The following MARCHF11 variants were observed in gnomAD, a reference collection of about 807,000 sequenced individuals.
The protein encoded by MARCHF11 is membrane associated ring-CH-type finger 11.
Under a neutral mutation model 37.3 loss-of-function variants are expected in MARCHF11, and 29 were observed. The observed-to-expected ratio is 0.78, with a 90% confidence interval of 0.58 to 1.06. MARCHF11 has a LOEUF of 1.06. Ranked by LOEUF, MARCHF11 falls within the 50% of genes least tolerant of loss-of-function variation. The pLI, the probability that MARCHF11 is intolerant of heterozygous loss-of-function variation, is 0.00. For missense variants in MARCHF11, 482 were observed against 533.4 expected, an observed-to-expected ratio of 0.90 and a Z score of 0.95; for synonymous variants, 233 against 228.0, an observed-to-expected ratio of 1.02 and a Z score of -0.20.
At chr5:16,130,035 T>G (rs1458534205) in intron 2 of MARCHF11, among the ~76,000 whole-genome samples, 1 of 152,142 alleles carries the variant, frequency 6.6e-6, no homozygotes, top group Non-Finnish European at 1.5e-5. Context: ...AGAAAATCAA[T>G]AGATGCAAAT....
chr5:16,077,633 T>A (rs1041877265), intron 3 of MARCHF11, among the ~76,000 whole-genome samples: 2 of 152,192 alleles, frequency 1.3e-5, no homozygotes, highest in Admixed American at 6.5e-5. Context: ...ATGACATCAG[T>A]AAGATGCTTA....
intron 2 of MARCHF11, among the ~76,000 whole-genome samples, chr5:16,138,511 G>A (rs1737648322): frequency 6.6e-6 from 1 of 152,246 alleles, no homozygotes; most frequent in Admixed American, 6.5e-5. Context: ...CAATGCAGAA[G>A]GGAAATATGG....
chr5:16,165,461 A>C (rs1463132486), intron 2 of MARCHF11, among the ~76,000 whole-genome samples: 1 of 152,000 alleles, frequency 6.6e-6, no homozygotes, highest in African/African-American at 2.4e-5. Context: ...TTTTCTTTCC[A>C]AGATCCTATA....
Position 16,086,438 on chromosome 5 carries a change from G to A in MARCHF11, c.886+4451C>T, listed in dbSNP as rs146621399. Among the ~76,000 whole-genome samples, 1,001 of 152,240 alleles carry A rather than the reference G, an allele frequency of 6.6e-3. 10 individuals are homozygous for A. The highest frequency in any genetic ancestry group is 0.025 in the South Asian group (120 of 4,810). On this transcript the variant is annotated intron_variant, in intron 3 of 3. Transcript: ENST00000332432. ...TGTTTGTATATTATGTGGACAATTA[G>A]GAAAAATTTTAAGAGACCAAAGCAA...
intron 3 of MARCHF11, among the ~76,000 whole-genome samples, chr5:16,086,798 A>G (rs553752553): frequency 1.3e-5 from 2 of 152,348 alleles, no homozygotes; most frequent in African/African-American, 2.4e-5. Context: ...ATTAATAAAC[A>G]TATTCTTCTT....
rs144025483 is a variant in MARCHF11 at position 16,135,877 on chromosome 5, AT to A, written c.693+41848del. On this transcript the variant is annotated intron_variant, in intron 2 of 3. Coordinates refer to ENST00000332432, the MANE Select transcript of MARCHF11 (RefSeq NM_001102562.3). ...GGCGGGAAGGGAGGAAGTGAAAGAG[AT>A]TTAAAAAAAAAAAAAAAAAAGAAGG... 1.1e-4 allele frequency among the ~76,000 whole-genome samples: 11 copies of A among 104,322 alleles called. No individual in the cohort carries two copies. The South Asian group carries it at 1.3e-3, about 12-fold the overall frequency. 68.4% of individuals were successfully genotyped at this position (104,322 alleles called of 152,430 possible). A position where few individuals can be genotyped will look rare whatever the true frequency, so the allele number is the denominator to read the frequency against.
Position 16,085,523 on chromosome 5 carries a change from C to G in MARCHF11, c.886+5366G>C, listed in dbSNP as rs372188082. On this transcript the variant is annotated intron_variant, in intron 3 of 3. Coordinates refer to ENST00000332432, the MANE Select transcript of MARCHF11 (RefSeq NM_001102562.3). ...TAAATCCACTGATTAAAATGTCAAA[C>G]AAGTGATGATATCCATAGTTGGCAT... Among the ~76,000 whole-genome samples, 42 of 126,548 alleles carry G rather than the reference C, an allele frequency of 3.3e-4. 2 individuals are homozygous for G. The highest frequency in any genetic ancestry group is 1.3e-3 in the African/African-American group (42 of 32,652). 83.0% of individuals were successfully genotyped at this position (126,548 alleles called of 152,430 possible).
In MARCHF11 at chr5:16,067,405, G is replaced by A; in HGVS notation, c.*66C>T. On this transcript the variant is annotated 3_prime_UTR_variant, in exon 4 of 4. Coordinates refer to ENST00000332432, the MANE Select transcript of MARCHF11 (RefSeq NM_001102562.3). ...GTGTTTTTAGAAGTGCTATGGTTTT[G>A]CCATTCACTGCAATTACATTGCAAA... 2 of 1,424,026 alleles carry A rather than the reference G, an allele frequency of 1.4e-6. No individual in the cohort carries two copies. The highest frequency in any genetic ancestry group is 9.7e-7 in the Non-Finnish European group (1 of 1,033,464). 88.2% of individuals were successfully genotyped at this position (1,424,026 alleles called of 1,614,324 possible). A position where few individuals can be genotyped will look rare whatever the true frequency, so the allele number is the denominator to read the frequency against.
intron 2 of MARCHF11, among the ~76,000 whole-genome samples, chr5:16,155,712 C>A (rs1159716195): frequency 1.3e-5 from 2 of 151,862 alleles, no homozygotes; most frequent in African/African-American, 4.8e-5. Flanking sequence ...CTTGTTCTTG[C>A]CCGATTTTTG....
chr5:16,089,908 G>A (rs997710223), intron 3 of MARCHF11, among the ~76,000 whole-genome samples: 5 of 152,188 alleles, frequency 3.3e-5, no homozygotes, highest in Non-Finnish European at 7.3e-5. Flanking sequence ...AAGGTGACCT[G>A]CCCTGGCAGA....
chr5:16,075,383 T>C (rs964514360), intron 3 of MARCHF11, among the ~76,000 whole-genome samples: 17 of 152,302 alleles, frequency 1.1e-4, no homozygotes, highest in South Asian at 4.1e-4. Flanking sequence ...AATCAATCTT[T>C]CCCTCCTTCT....
At chr5:16,089,947 T>A (rs1736764202) in intron 3 of MARCHF11, among the ~76,000 whole-genome samples, 1 of 152,180 alleles carries the variant, frequency 6.6e-6, no homozygotes, top group Non-Finnish European at 1.5e-5. Flanking sequence ...AGTCTCTTGA[T>A]CCCAAGCTTA....
intron 2 of MARCHF11, among the ~76,000 whole-genome samples, chr5:16,122,544 G>T (rs913022164): frequency 6.6e-6 from 1 of 152,150 alleles, no homozygotes; most frequent in Admixed American, 6.5e-5. Flanking sequence ...TTGTCTCCAT[G>T]CCCAATGACC....
intron 3 of MARCHF11, among the ~76,000 whole-genome samples, chr5:16,075,351 A>G (rs752384036): frequency 1.3e-5 from 2 of 152,076 alleles, no homozygotes; most frequent in Non-Finnish European, 2.9e-5. Flanking sequence ...TTCTCTCACA[A>G]TTTCTTCTCT....
chr5:16,161,315 G>C (rs892454253), intron 2 of MARCHF11, among the ~76,000 whole-genome samples: 3 of 151,342 alleles, frequency 2.0e-5, no homozygotes, highest in Non-Finnish European at 2.9e-5. Context: ...AAAATGATCT[G>C]TCTTCCTTCC....
At chr5:16,147,712 A>G (rs902548473) in intron 2 of MARCHF11, among the ~76,000 whole-genome samples, 2 of 152,054 alleles carry the variant, frequency 1.3e-5, no homozygotes, top group African/African-American at 4.8e-5. Context: ...TCATTCCTGG[A>G]CAGTGGGATC....
chr5:16,068,706 C>T (rs1579670092), intron 3 of MARCHF11, among the ~76,000 whole-genome samples: 3 of 152,240 alleles, frequency 2.0e-5, no homozygotes, highest in Admixed American at 6.5e-5. Context: ...GCATTTCACA[C>T]ATTTACATTT....
chr5:16,169,185 T>C (rs1738217610), intron 2 of MARCHF11, among the ~76,000 whole-genome samples: 1 of 152,006 alleles, frequency 6.6e-6, no homozygotes, highest in Admixed American at 6.6e-5. Context: ...GATGAAATCT[T>C]GGACAATCAC....
chr5:16,109,744 G>A (rs531159145), intron 2 of MARCHF11, among the ~76,000 whole-genome samples: 55 of 152,282 alleles, frequency 3.6e-4, no homozygotes, highest in Non-Finnish European at 7.3e-4. Flanking sequence ...CTGAAGTGGG[G>A]GCAGTCTTGT....
Sources: allele counts gnomAD v4.1 joint callset (sites outside exome capture counted in the v4.1 genomes callset), GRCh38; gene constraint gnomAD v4.1.1; transcripts MANE v1.5; gene names NCBI Gene and HGNC (gene_info 2026-07-23, HGNC 2026-07-21).